Variants in ACYP2 observed in about 807,000 individuals in gnomAD.
ACYP2 encodes the protein acylphosphatase 2, also known as acylphosphatase-2.
ACYP2 carries 12 observed loss-of-function variants against 11.2 expected under a neutral mutation model. That is an observed-to-expected ratio of 1.08 (90% CI 0.69 to 1.74). The LOEUF is 1.74. Among genes scored for constraint, ACYP2 ranks in the 40% most tolerant of loss-of-function variants. ACYP2 has a pLI of 0.00. For missense variants in ACYP2, 134 were observed against 101.9 expected, an observed-to-expected ratio of 1.31 and a Z score of -1.35; for synonymous variants, 43 against 32.2, an observed-to-expected ratio of 1.33 and a Z score of -1.13.
intron 6 of ACYP2, among the ~76,000 whole-genome samples, chr2:54,214,794 T>C (rs924612737): frequency 4.6e-5 from 7 of 152,182 alleles, no homozygotes; most frequent in African/African-American, 1.7e-4. Flanking sequence ...AAAAATGTCA[T>C]TGGTAGTTTG....
chr2:54,248,893 A>G (rs1687079165), intron 6 of ACYP2, among the ~76,000 whole-genome samples: 1 of 152,204 alleles, frequency 6.6e-6, no homozygotes, highest in African/African-American at 2.4e-5. Flanking sequence ...ACGGCATTTC[A>G]GTTTAGAAGG....
intron 6 of ACYP2, among the ~76,000 whole-genome samples, chr2:54,286,728 T>C (rs1689093991): frequency 6.6e-6 from 1 of 152,052 alleles, no homozygotes; most frequent in African/African-American, 2.4e-5. Context: ...GCTGTTTTGA[T>C]TATACTCCTC....
chr2:54,059,221 T>A (rs1397810542), intron 4 of ACYP2, among the ~76,000 whole-genome samples: 2 of 151,514 alleles, frequency 1.3e-5, no homozygotes, highest in East Asian at 3.9e-4. Context: ...TTTTTCTTTT[T>A]CTTTTTTTTC....
intron 6 of ACYP2, among the ~76,000 whole-genome samples, chr2:54,201,630 T>TTCTCTCTCTC (rs1459478696): frequency 1.1e-5 from 1 of 90,592 alleles, no homozygotes; most frequent in East Asian, 4.3e-4. Context: ...CTTTGTTTCT[T>TTCTCTCTCTC]TCTTTCTCTT....
At chr2:54,059,728 T>C (rs1016263912) in intron 4 of ACYP2, among the ~76,000 whole-genome samples, 1 of 152,214 alleles carries the variant, frequency 6.6e-6, no homozygotes, top group South Asian at 2.1e-4. Flanking sequence ...GGTCACTCCA[T>C]TGGTAACAAT....
intron 2 of ACYP2, among the ~76,000 whole-genome samples, chr2:54,037,125 T>C (rs533841884): frequency 2.0e-5 from 3 of 152,322 alleles, no homozygotes; most frequent in Non-Finnish European, 4.4e-5. Context: ...TTTTGTTTTG[T>C]TTTTTAAGAC....
At chr2:54,175,643 G>A (rs937558234) in intron 6 of ACYP2, among the ~76,000 whole-genome samples, 1 of 151,986 alleles carries the variant, frequency 6.6e-6, no homozygotes. Flanking sequence ...TGGGATTACA[G>A]GCATGAGCCA....
intron 6 of ACYP2, among the ~76,000 whole-genome samples, chr2:54,228,691 CAAAA>C (rs971783573): frequency 6.8e-6 from 1 of 146,462 alleles, no homozygotes; most frequent in Non-Finnish European, 1.5e-5. Flanking sequence ...ATAATCATAA[CAAAA>C]AAAGAGGAGA....
chr2:54,292,916 A>T (rs1446390707), intron 6 of ACYP2, among the ~76,000 whole-genome samples: 1 of 152,176 alleles, frequency 6.6e-6, no homozygotes, highest in Non-Finnish European at 1.5e-5. Context: ...TCTTCCAATT[A>T]TTTTGTAAGT....
chr2:54,275,669 C>G (rs931721578), intron 6 of ACYP2, among the ~76,000 whole-genome samples: 2 of 152,116 alleles, frequency 1.3e-5, no homozygotes, highest in African/African-American at 4.8e-5. Context: ...TTGTGTCTAA[C>G]AATTTCCTTT....
chr2:54,241,374 AG>A (rs2103985854), intron 6 of ACYP2, among the ~76,000 whole-genome samples: 1 of 152,336 alleles, frequency 6.6e-6, no homozygotes, highest in Non-Finnish European at 1.5e-5. Flanking sequence ...CGAAAAATGA[AG>A]CCTTCTACTA....
intron 2 of ACYP2, among the ~76,000 whole-genome samples, chr2:53,986,294 G>A (rs78634348): frequency 0.26 from 39,415 of 151,356 alleles, 5,769 homozygotes; most frequent in South Asian, 0.47. Context: ...GCAGATTCCC[G>A]CACTATGCTT....
At chr2:54,190,470 C>T (rs1037553226) in intron 6 of ACYP2, among the ~76,000 whole-genome samples, 1 of 152,072 alleles carries the variant, frequency 6.6e-6, no homozygotes, top group East Asian at 1.9e-4. Flanking sequence ...CACTGATGAC[C>T]TCCAAGTGTT....
At chr2:53,985,480 ATG>A (rs892480472) in intron 2 of ACYP2, among the ~76,000 whole-genome samples, 1 of 152,116 alleles carries the variant, frequency 6.6e-6, no homozygotes, top group African/African-American at 2.4e-5. Flanking sequence ...CCCAACAGAA[ATG>A]TGTGTACGTA....
chr2:54,212,214 G>A (rs1685356610), intron 6 of ACYP2, among the ~76,000 whole-genome samples: 1 of 152,016 alleles, frequency 6.6e-6, no homozygotes, highest in African/African-American at 2.4e-5. Context: ...TTTATTTTGG[G>A]GGATGCAAAG....
intron 3 of ACYP2, among the ~76,000 whole-genome samples, chr2:54,055,109 T>G (rs1243014777): frequency 6.6e-6 from 1 of 152,184 alleles, no homozygotes; most frequent in Non-Finnish European, 1.5e-5. Flanking sequence ...TGATCTTAGC[T>G]CACTGCACCC....
chr2:54,024,261 G>A (rs925479400), intron 2 of ACYP2, among the ~76,000 whole-genome samples: 1 of 152,022 alleles, frequency 6.6e-6, no homozygotes, highest in Admixed American at 6.6e-5. Context: ...ACCTACTCAG[G>A]AGGCTGATGC....
intron 4 of ACYP2, among the ~76,000 whole-genome samples, chr2:54,090,561 G>A (rs1202227213): frequency 6.6e-6 from 1 of 152,154 alleles, no homozygotes; most frequent in Non-Finnish European, 1.5e-5. Context: ...AAACCGGGAG[G>A]TGGAGTTTGC....
intron 6 of ACYP2, among the ~76,000 whole-genome samples, chr2:54,204,606 T>C (rs1044897684): frequency 6.6e-6 from 1 of 152,214 alleles, no homozygotes; most frequent in African/African-American, 2.4e-5. Flanking sequence ...AGACTTGTTC[T>C]TTCTAGTTGG....
Sources: allele counts gnomAD v4.1 joint callset (sites outside exome capture counted in the v4.1 genomes callset), GRCh38; gene constraint gnomAD v4.1.1; transcripts MANE v1.5; gene names NCBI Gene and HGNC (gene_info 2026-07-23, HGNC 2026-07-21).